CERK: variants seen among roughly 807,000 people sequenced by gnomAD.
CERK encodes the protein ceramide kinase.
Under a neutral mutation model 63.4 loss-of-function variants are expected in CERK, and 39 were observed. The observed-to-expected ratio is 0.61, with a 90% CI of 0.48 to 0.80. The LOEUF (loss-of-function observed/expected upper bound fraction) is 0.80. Ranked by LOEUF, CERK falls within the 30% of genes least tolerant of loss-of-function variation. The probability of loss-of-function intolerance (pLI) is 0.00; values close to 1 mark genes in which losing one functional copy is unlikely to be tolerated. For missense variants in CERK, 670 were observed against 714.1 expected (o/e 0.94, Z 0.70); for synonymous variants, 302 against 280.0 (o/e 1.08, Z -0.78).
chr22:46,702,575 C>T (rs2082792564), intron 6 of CERK, among the ~76,000 whole-genome samples: 1 of 152,196 alleles, frequency 6.6e-6, no homozygotes, highest in Non-Finnish European at 1.5e-5. Flanking sequence ...AGGCGTGAGC[C>T]ACCACACCTG....
In CERK at chr22:46,694,886, G is replaced by C. The variant is rs561357424; in HGVS notation, c.1049+324C>G. ...TCCTGCCTGCATTTCTCCTCCATCA[G>C]GCCCCTGCAGGGGGTAAAGGGAACC... On this transcript the variant is annotated intron_variant, in intron 9 of 12. Transcript: ENST00000216264. Among the ~76,000 whole-genome samples the C allele has an allele frequency of 2.6e-5, 4 of 152,294 alleles. No individual in the cohort carries two copies. In the East Asian group the frequency reaches 7.8e-4, roughly 30 times the overall value.
Position 46,687,041 on chromosome 22 carries a change from A to G in CERK, c.*93T>C, listed in dbSNP as rs2082705088. On this transcript the variant is annotated 3_prime_UTR_variant, in exon 13 of 13. Coordinates refer to ENST00000216264, the MANE Select transcript of CERK (RefSeq NM_022766.6). ...ATTTAACTATCAAAAATAAATTTCT[A>G]CATTTAAATGTATATATCAACATAA... 8 of 983,544 alleles carry G rather than the reference A, an allele frequency of 8.1e-6. No homozygotes were observed. The highest frequency in any genetic ancestry group is 3.0e-5 in the South Asian group (2 of 65,724). 60.9% of individuals were successfully genotyped at this position (983,544 alleles called of 1,614,324 possible).
intron 11 of CERK, 144 bp from the exon 12 acceptor site, chr22:46,690,344 G>C (rs1261777622): frequency 2.6e-5 from 16 of 606,886 alleles, no homozygotes; most frequent in Non-Finnish European, 4.3e-5. Context: ...TGCTTGTGCA[G>C]GCCCCTGGAG....
At chr22:46,691,034 TACAC>T (rs200466142) in intron 11 of CERK, among the ~76,000 whole-genome samples, 20 of 139,596 alleles carry the variant, frequency 1.4e-4, no homozygotes, top group South Asian at 4.4e-4. Flanking sequence ...TATATACACA[TACAC>T]ACACATGTAT....
intron 2 of CERK, among the ~76,000 whole-genome samples, chr22:46,720,610 T>C (rs9616109): frequency 0.18 from 27,087 of 151,880 alleles, 2,730 homozygotes; most frequent in African/African-American, 0.25. Flanking sequence ...GCAGGAGAAT[T>C]GCTTGAACCC....
At chr22:46,696,106 T>TC (rs1211837248) in intron 8 of CERK, among the ~76,000 whole-genome samples, 1 of 152,024 alleles carries the variant, frequency 6.6e-6, no homozygotes, top group Non-Finnish European at 1.5e-5. Context: ...AGGCCTCACA[T>TC]CCTCATCCGC....
chr22:46,695,435 G>C, intron 8 of CERK, 120 bp from the exon 9 acceptor site: 1 of 706,084 alleles, frequency 1.4e-6, no homozygotes, highest in East Asian at 2.6e-5. Context: ...GTCTGCAGGA[G>C]GGAGAGGCCG....
rs186980165 is a variant in CERK at position 46,721,609 on chromosome 22, C to T, written c.143-594G>A. ...TTCAAGCAGCAAATGCGGACCATTCCGGGCCAGCTACCATGTGAAATTTGG... is the reference window on the plus strand; with the variant it reads ...TTCAAGCAGCAAATGCGGACCATTCTGGGCCAGCTACCATGTGAAATTTGG... On this transcript the variant is annotated intron_variant, in intron 1 of 12. Transcript: ENST00000216264. 8.1e-4 allele frequency among the ~76,000 whole-genome samples: 123 copies of T among 152,268 alleles called. 1 individual carries two copies. In the East Asian group the frequency reaches 0.016, roughly 20 times the overall value.
rs1397954982 is a variant in CERK, at chr22:46,685,217, T to A, written c.*1917A>T. On this transcript the variant is annotated 3_prime_UTR_variant, in exon 13 of 13. Transcript: ENST00000216264. ...TCCCTAGTAGCTGAGATTACAGGCG[T>A]GCGCCAACAAGACTGGCTAAGTTGT... The A allele has an allele frequency of 6.6e-6, 1 of 152,172 alleles. No individual in the cohort carries two copies. The highest frequency in any genetic ancestry group is 2.4e-5 in the African/African-American group (1 of 41,430). The allele number at this position is 152,172 out of a possible 1,614,324, so 9.4% of individuals were successfully genotyped here. A position where few individuals can be genotyped will look rare whatever the true frequency, so the allele number is the denominator to read the frequency against.
intron 1 of CERK, among the ~76,000 whole-genome samples, chr22:46,737,343 A>G (rs1396142779): frequency 2.0e-5 from 3 of 151,998 alleles, no homozygotes; most frequent in African/African-American, 7.3e-5. Context: ...AACAAAAACA[A>G]ACCCTCTGTC....
Position 46,687,018 on chromosome 22 carries a change from TTAAC to T in CERK, c.*112_*115del, listed in dbSNP as rs1482961759. 10 of 889,026 alleles carry T rather than the reference TTAAC, an allele frequency of 1.1e-5. No individual in the cohort carries two copies. Among genetic ancestry groups the T allele is most frequent in the African/African-American group, 1.7e-5 (1 of 58,820 alleles). 55.1% of individuals were successfully genotyped at this position (889,026 alleles called of 1,614,324 possible). A position where few individuals can be genotyped will look rare whatever the true frequency, so the allele number is the denominator to read the frequency against. ...AAGGGTTTTCTTCTAAAATCAAGAT[TTAAC>T]TATCAAAAATAAATTTCTACATTTA... is the stretch of plus-strand genomic sequence containing the variant. On this transcript the variant is annotated 3_prime_UTR_variant, in exon 13 of 13. Coordinates refer to ENST00000216264, the MANE Select transcript of CERK (RefSeq NM_022766.6).
chr22:46,710,883 C>T (rs918333454), intron 5 of CERK, among the ~76,000 whole-genome samples: 18 of 152,208 alleles, frequency 1.2e-4, no homozygotes, highest in Admixed American at 8.5e-4. Flanking sequence ...CCATTCTCGC[C>T]CAGCCCAGCC....
At position 46,711,066 on chromosome 22, in the gene CERK, A is replaced by G; in HGVS notation, c.569+20T>C. The G allele has an allele frequency of 1.9e-6, 3 of 1,605,494 alleles. No homozygotes were observed. Among genetic ancestry groups the G allele is most frequent in the Non-Finnish European group, 2.6e-6 (3 of 1,172,698 alleles). ...TTCATTAACAATGGACTTGATGGCG[A>G]TGAAAGACGGCTTACTCACCCGTCG... On this transcript the variant is annotated intron_variant, in intron 5 of 12. Transcript: ENST00000216264.
Position 46,721,034 on chromosome 22 carries a change from C to G in CERK, c.143-19G>C. On this transcript the variant is annotated intron_variant, in intron 1 of 12. Coordinates refer to ENST00000216264, the MANE Select transcript of CERK (RefSeq NM_022766.6). ...CAGGCATCTGTAAAAACACCACGTC[C>G]TTCTGTCAAAGAATTCGTCAGAATC... The G allele has an allele frequency of 4.0e-6, 6 of 1,506,218 alleles. No individual in the cohort carries two copies. The highest frequency in any genetic ancestry group is 5.5e-6 in the Non-Finnish European group (6 of 1,082,104). 93.3% of individuals were successfully genotyped at this position (1,506,218 alleles called of 1,614,324 possible).
chr22:46,724,056 T>C (rs1330637564), intron 1 of CERK, among the ~76,000 whole-genome samples: 1 of 151,464 alleles, frequency 6.6e-6, no homozygotes, highest in Non-Finnish European at 1.5e-5. Flanking sequence ...CCCTTCCACC[T>C]CCTCCGTCTT....
intron 1 of CERK, among the ~76,000 whole-genome samples, chr22:46,730,369 C>T (rs5767335): frequency 2.6e-5 from 4 of 151,442 alleles, no homozygotes; most frequent in Admixed American, 1.3e-4. Context: ...TGCAGTGAGT[C>T]GAGATCACAC....
At position 46,714,592 on chromosome 22, in the gene CERK, C is replaced by T. The variant is rs1354404729; in HGVS notation, c.380-2299G>A. On this transcript the variant is annotated intron_variant, in intron 3 of 12. Coordinates refer to ENST00000216264, the MANE Select transcript of CERK (RefSeq NM_022766.6). The surrounding 1 kb of genome is among the most constrained non-coding windows in gnomAD (Gnocchi z 4.4). ...GAAATAGAAAATCTGAATAGTCTGA[C>T]AGCTAATAAAGACACCAAAGCTATT... is the stretch of plus-strand genomic sequence containing the variant. Among the ~76,000 whole-genome samples, 6 of 152,188 alleles carry T rather than the reference C, an allele frequency of 3.9e-5. No homozygotes were observed. The highest frequency in any genetic ancestry group is 8.8e-5 in the Non-Finnish European group (6 of 68,032).
chr22:46,687,559 C>T (rs560913700), intron 12 of CERK, among the ~76,000 whole-genome samples: 14 of 152,340 alleles, frequency 9.2e-5, no homozygotes, highest in African/African-American at 3.1e-4. Context: ...GCAGAGCGTC[C>T]GCTCCAGTGT....
intron 6 of CERK, among the ~76,000 whole-genome samples, chr22:46,705,989 G>C (rs918490951): frequency 6.6e-6 from 1 of 152,236 alleles, no homozygotes; most frequent in Non-Finnish European, 1.5e-5. Flanking sequence ...AGTGAGCCAC[G>C]ATCATGCCAC....
Sources: gnomAD v4.1 joint callset for allele counts (sites outside exome capture counted in the v4.1 genomes callset) on GRCh38, gnomAD v4.1.1 for gene constraint, Gnocchi (gnomAD v3.1) non-coding constraint, MANE v1.5 for transcripts, NCBI Gene and HGNC (gene_info 2026-07-23, HGNC 2026-07-21) for gene names.